CPNE4: variants seen among roughly 807,000 people sequenced by gnomAD.
CPNE4 encodes copine 4.
In CPNE4, 25 loss-of-function variants were observed where a neutral mutation model predicts 67.9. The ratio of observed to expected loss-of-function variants is 0.37; its 90% CI spans 0.27 to 0.51. The LOEUF is 0.51. CPNE4 is among the 20% of genes least tolerant of loss of function. CPNE4 has a pLI of 0.93. For missense variants in CPNE4, 464 were observed against 690.8 expected, an observed-to-expected ratio of 0.67 and a Z score of 3.68; for synonymous variants, 242 against 244.9, an observed-to-expected ratio of 0.99 and a Z score of 0.11.
At chr3:131,873,552 TAG>T (rs2087306172) in intron 2 of CPNE4, among the ~76,000 whole-genome samples, 1 of 152,230 alleles carries the variant, frequency 6.6e-6, no homozygotes, top group Admixed American at 6.5e-5. Flanking sequence ...AGACTTTATT[TAG>T]AGAAGATAAA....
At chr3:131,855,055 G>C (rs1176235992) in intron 2 of CPNE4, among the ~76,000 whole-genome samples, 2 of 151,998 alleles carry the variant, frequency 1.3e-5, no homozygotes, top group African/African-American at 4.8e-5. Flanking sequence ...TGAAAAGCCA[G>C]ATTCAAGAGA....
At chr3:131,778,560 C>T (rs1220950379) in intron 2 of CPNE4, among the ~76,000 whole-genome samples, 1 of 152,054 alleles carries the variant, frequency 6.6e-6, no homozygotes, top group African/African-American at 2.4e-5. Context: ...TAGACTTTAC[C>T]TACTCCCTCC....
intron 7 of CPNE4, among the ~76,000 whole-genome samples, chr3:131,599,174 A>G (rs1443817346): frequency 1.3e-5 from 2 of 152,248 alleles, no homozygotes; most frequent in African/African-American, 4.8e-5. Flanking sequence ...TTAAAAATTC[A>G]GTGACAACAT....
At chr3:132,034,192 A>T (rs1376945373) in intron 1 of CPNE4, among the ~76,000 whole-genome samples, 1 of 150,938 alleles carries the variant, frequency 6.6e-6, no homozygotes, top group Non-Finnish European at 1.5e-5. Flanking sequence ...TTCAGCCAGA[A>T]CTCCCTTCCC....
intron 2 of CPNE4, among the ~76,000 whole-genome samples, chr3:131,869,412 C>G (rs2087100695): frequency 6.6e-6 from 1 of 152,124 alleles, no homozygotes; most frequent in South Asian, 2.1e-4. Context: ...TTCAATATTT[C>G]TAACAGTAAT....
At chr3:132,029,213 C>T (rs1373911268) in intron 1 of CPNE4, among the ~76,000 whole-genome samples, 1 of 152,162 alleles carries the variant, frequency 6.6e-6, no homozygotes, top group Admixed American at 6.5e-5. Flanking sequence ...CCCAGAAAGG[C>T]CTGTCACGAG....
intron 2 of CPNE4, among the ~76,000 whole-genome samples, chr3:131,787,705 C>T (rs1241735999): frequency 1.3e-5 from 2 of 152,128 alleles, no homozygotes; most frequent in African/African-American, 4.8e-5. Flanking sequence ...TAGGCAATTA[C>T]CAAGATGTCT....
intron 1 of CPNE4, chr3:132,017,448 G>A (rs2073910483): frequency 6.6e-6 from 1 of 152,086 alleles, no homozygotes; most frequent in African/African-American, 2.4e-5. Context: ...TAAAGGACAA[G>A]TCTTACCCTT....
upstream of CPNE4, chr3:132,037,491 G>T: frequency 8.0e-7 from 1 of 1,246,860 alleles, no homozygotes; most frequent in Non-Finnish European, 1.1e-6. Context: ...CCCACAGCAA[G>T]TTGCCCGCCA....
At chr3:131,675,049 C>A (rs1030706166) in intron 6 of CPNE4, among the ~76,000 whole-genome samples, 2 of 151,966 alleles carry the variant, frequency 1.3e-5, no homozygotes, top group African/African-American at 4.8e-5. Context: ...ACATTTCCTT[C>A]TTAATTTCTT....
At chr3:132,020,363 C>T (rs1049347978) in intron 1 of CPNE4, among the ~76,000 whole-genome samples, 3 of 152,162 alleles carry the variant, frequency 2.0e-5, no homozygotes, top group African/African-American at 7.2e-5. Flanking sequence ...TGGGGCTCTG[C>T]TCACACCTTA....
chr3:131,731,138 G>T (rs555184647), intron 2 of CPNE4, among the ~76,000 whole-genome samples: 1 of 152,284 alleles, frequency 6.6e-6, no homozygotes, highest in Non-Finnish European at 1.5e-5. Flanking sequence ...CTGCCATGCA[G>T]TTAACCTGGT....
intron 2 of CPNE4, among the ~76,000 whole-genome samples, chr3:131,798,771 G>A (rs2083991423): frequency 6.6e-6 from 1 of 152,088 alleles, no homozygotes; most frequent in Admixed American, 6.6e-5. Context: ...ATAATCAGCT[G>A]AATTAGGACA....
chr3:131,608,700 A>G (rs1268041442), intron 7 of CPNE4, among the ~76,000 whole-genome samples: 2 of 152,170 alleles, frequency 1.3e-5, no homozygotes, highest in African/African-American at 4.8e-5. Flanking sequence ...GTATGAATAT[A>G]TGTATATAAA....
intron 1 of CPNE4, among the ~76,000 whole-genome samples, chr3:131,941,412 CAG>C (rs34885628): frequency 0.065 from 9,811 of 152,008 alleles, 412 homozygotes; most frequent in East Asian, 0.13. Flanking sequence ...ATTTACACCA[CAG>C]AGTTAGGGAA....
chr3:131,937,285 C>A (rs2071251655), intron 1 of CPNE4, among the ~76,000 whole-genome samples: 1 of 152,114 alleles, frequency 6.6e-6, no homozygotes, highest in African/African-American at 2.4e-5. Context: ...CCTAGGCAAC[C>A]ATGCAAAACC....
chr3:131,974,498 G>A (rs2072591920), intron 1 of CPNE4, among the ~76,000 whole-genome samples: 1 of 152,128 alleles, frequency 6.6e-6, no homozygotes, highest in South Asian at 2.1e-4. Context: ...TGCTTGTCTG[G>A]AAGTAAATTC....
intron 2 of CPNE4, among the ~76,000 whole-genome samples, chr3:131,795,617 T>A (rs142917636): frequency 6.6e-6 from 1 of 152,274 alleles, no homozygotes; most frequent in African/African-American, 2.4e-5. Flanking sequence ...CCACAGACTA[T>A]GAAGTGGTTC....
chr3:131,800,793 T>A (rs1434609253), intron 2 of CPNE4, among the ~76,000 whole-genome samples: 1 of 152,162 alleles, frequency 6.6e-6, no homozygotes. Context: ...GGGACCTACT[T>A]TGGTAGCAAT....
Sources: allele counts gnomAD v4.1 joint callset (sites outside exome capture counted in the v4.1 genomes callset), GRCh38; gene constraint gnomAD v4.1.1; transcripts MANE v1.5; gene names NCBI Gene and HGNC (gene_info 2026-07-23, HGNC 2026-07-21).